The following WDR41 variants were observed in gnomAD, a reference collection of about 807,000 sequenced individuals.
WDR41 encodes WD repeat domain 41.
WDR41 carries 63 observed loss-of-function variants against 69.3 expected under a neutral mutation model. The ratio of observed to expected loss-of-function variants is 0.91; its 90% confidence interval spans 0.74 to 1.12. WDR41 has a LOEUF of 1.12. Among genes scored for constraint, WDR41 ranks in the 50% most tolerant of loss-of-function variants. The probability of loss-of-function intolerance (pLI) is 0.00; values close to 1 mark genes in which losing one functional copy is unlikely to be tolerated. For synonymous variants in WDR41, 185 were observed against 192.1 expected (o/e 0.96, Z 0.31); for missense variants, 543 against 534.5 (o/e 1.02, Z -0.16).
At chr5:77,605,523 C>T (rs548337459) in intron 1 of WDR41, among the ~76,000 whole-genome samples, 62 of 152,238 alleles carry the variant, frequency 4.1e-4, no homozygotes, top group South Asian at 1.2e-3. Flanking sequence ...CTTTGCTCTA[C>T]GGGACCAAAA....
At chr5:77,532,306 A>G (rs1429090361) in intron 1 of WDR41, among the ~76,000 whole-genome samples, 1 of 152,122 alleles carries the variant, frequency 6.6e-6, no homozygotes, top group African/African-American at 2.4e-5. Context: ...AATAACAAGT[A>G]TAGTGCAACT....
chr5:77,588,433 T>C (rs1024712672), intron 1 of WDR41, among the ~76,000 whole-genome samples: 4 of 152,190 alleles, frequency 2.6e-5, no homozygotes, highest in African/African-American at 4.8e-5. Flanking sequence ...AGATCTGAAG[T>C]CCATATAGAA....
At chr5:77,434,204 G>GGGAGGCCGAGGAAAGAGA (rs958840565) in intron 12 of WDR41, among the ~76,000 whole-genome samples, 1 of 152,020 alleles carries the variant, frequency 6.6e-6, no homozygotes, top group Non-Finnish European at 1.5e-5. Flanking sequence ...CCAGCTACTC[G>GGGAGGCCGAGGAAAGAGA]GGAGGCCGAG....
intron 2 of WDR41, chr5:77,480,071 A>G (rs1801150063): frequency 6.6e-6 from 1 of 151,710 alleles, no homozygotes; most frequent in Non-Finnish European, 1.5e-5. Context: ...ACACATGAAA[A>G]AATGCTCACC....
At chr5:77,469,308 G>A (rs1800452598) in intron 2 of WDR41, among the ~76,000 whole-genome samples, 1 of 152,112 alleles carries the variant, frequency 6.6e-6, no homozygotes, top group South Asian at 2.1e-4. Flanking sequence ...GAGTTAATCG[G>A]TGCAGCACAC....
intron 1 of WDR41, among the ~76,000 whole-genome samples, chr5:77,525,263 T>C (rs1802428637): frequency 6.6e-6 from 1 of 152,240 alleles, no homozygotes; most frequent in Non-Finnish European, 1.5e-5. Flanking sequence ...TTATATTCCA[T>C]GAAATTAAAT....
chr5:77,499,833 G>A (rs184918774), intron 1 of WDR41, among the ~76,000 whole-genome samples: 23 of 152,152 alleles, frequency 1.5e-4, no homozygotes, highest in African/African-American at 4.1e-4. Flanking sequence ...GCCTGGGCCC[G>A]AGACTAATTA....
chr5:77,512,678 G>A (rs996561971), intron 1 of WDR41, among the ~76,000 whole-genome samples: 1 of 149,258 alleles, frequency 6.7e-6, no homozygotes, highest in Non-Finnish European at 1.5e-5. Flanking sequence ...CCCAGGAGGC[G>A]GAGGTTGCAG....
Position 77,489,439 on chromosome 5 carries a change from A to C in WDR41, c.167+18T>G. Reference sequence around the variant, plus strand: ...CTCTTCCCAAACAATAGTCAATTAGACCACTATAGCTTCTTACCTGTAGTC... The same window carrying C: ...CTCTTCCCAAACAATAGTCAATTAGCCCACTATAGCTTCTTACCTGTAGTC... On this transcript the variant is annotated intron_variant, in intron 2 of 12. Coordinates refer to ENST00000296679, the MANE Select transcript of WDR41 (RefSeq NM_018268.4). The C allele has an allele frequency of 6.8e-7, 1 of 1,473,350 alleles. No homozygotes were observed. Among genetic ancestry groups the C allele is most frequent in the Non-Finnish European group, 9.2e-7 (1 of 1,082,518 alleles). 91.3% of individuals were successfully genotyped at this position (1,473,350 alleles called of 1,614,324 possible).
Position 77,489,484 on chromosome 5 carries a change from C to T in WDR41, c.140G>A (p.Arg47Gln), listed in dbSNP as rs144473455. The T allele has an allele frequency of 2.3e-5, 37 of 1,603,136 alleles. No homozygotes were observed. Among genetic ancestry groups the T allele is most frequent in the Middle Eastern group, 3.3e-4 (2 of 6,050 alleles). ...LVLKAHHDIV[R>Q]FLVQLDDYRF... is the part of the protein sequence containing the mutation. ...GTAGTCATCTAACTGTACCAGAAAT[C>T]GTACAATATCATGATGAGCCTTCAG... The change falls in exon 2 of 13, where the codon CGA becomes CAA. Residue 47 changes from arginine (R) to glutamine (Q), a missense_variant. Coordinates refer to ENST00000296679, the MANE Select transcript of WDR41 (RefSeq NM_018268.4).
At chr5:77,523,746 A>G (rs751513637) in intron 1 of WDR41, among the ~76,000 whole-genome samples, 1 of 152,238 alleles carries the variant, frequency 6.6e-6, no homozygotes, top group Non-Finnish European at 1.5e-5. Context: ...CGAAAAGAAA[A>G]AGTGACTATA....
chr5:77,489,290 A>G (rs1801659781), intron 2 of WDR41, among the ~76,000 whole-genome samples, 167 bp downstream of exon 2: 1 of 152,170 alleles, frequency 6.6e-6, no homozygotes, highest in Non-Finnish European at 1.5e-5. Flanking sequence ...CTCTAGATAC[A>G]TATTTCATCG....
chr5:77,461,931 A>G (rs1257871201), intron 4 of WDR41, among the ~76,000 whole-genome samples: 1 of 152,184 alleles, frequency 6.6e-6, no homozygotes, highest in Non-Finnish European at 1.5e-5. Context: ...GACTTCACCA[A>G]GCCAATTCCT....
intron 1 of WDR41, among the ~76,000 whole-genome samples, chr5:77,539,232 T>C (rs1743044621): frequency 6.6e-6 from 1 of 152,334 alleles, no homozygotes; most frequent in African/African-American, 2.4e-5. Context: ...TGGGTAGATA[T>C]AAGCATTGAA....
intron 2 of WDR41, among the ~76,000 whole-genome samples, chr5:77,487,918 T>G (rs1801595035): frequency 6.6e-6 from 1 of 152,252 alleles, no homozygotes; most frequent in Admixed American, 6.5e-5. Flanking sequence ...TCATTGGTGA[T>G]ACACACTGAT....
chr5:77,506,037 G>A (rs1802099440), intron 1 of WDR41, among the ~76,000 whole-genome samples: 1 of 152,140 alleles, frequency 6.6e-6, no homozygotes, highest in African/African-American at 2.4e-5. Context: ...ATAGACAAAT[G>A]AGATCTAATT....
At chr5:77,557,276 C>CA (rs1283889481) in intron 1 of WDR41, among the ~76,000 whole-genome samples, 1 of 151,818 alleles carries the variant, frequency 6.6e-6, no homozygotes, top group Admixed American at 6.6e-5. Context: ...CAAAACAAAA[C>CA]AAAAAACCAT....
chr5:77,606,763 A>G (rs528628850), intron 1 of WDR41, among the ~76,000 whole-genome samples: 47 of 152,230 alleles, frequency 3.1e-4, no homozygotes, highest in African/African-American at 1.1e-3. Context: ...TGATTGTGCC[A>G]CTGCATTCCA....
At chr5:77,517,003 G>T (rs1487142366) in intron 1 of WDR41, among the ~76,000 whole-genome samples, 1 of 146,434 alleles carries the variant, frequency 6.8e-6, no homozygotes, top group South Asian at 2.2e-4. Context: ...GTGACAGAGC[G>T]AGACTCCATC....
Sources: allele counts gnomAD v4.1 joint callset (sites outside exome capture counted in the v4.1 genomes callset), GRCh38; gene constraint gnomAD v4.1.1; transcripts MANE v1.5; gene names NCBI Gene and HGNC (gene_info 2026-07-23, HGNC 2026-07-21).